The following SYT9 variants were observed in gnomAD, a reference collection of about 807,000 sequenced individuals.
SYT9 encodes the protein synaptotagmin-9.
A neutral mutation model predicts 48.4 loss-of-function variants in SYT9; 22 were observed. The ratio of observed to expected loss-of-function variants is 0.45; its 90% CI spans 0.32 to 0.65. The LOEUF (loss-of-function observed/expected upper bound fraction) is 0.65. Among genes scored for constraint, SYT9 ranks in the 30% least tolerant of loss-of-function variants. The probability of loss-of-function intolerance (pLI) is 0.03; values close to 1 mark genes in which losing one functional copy is unlikely to be tolerated. For missense variants in SYT9, 577 were observed against 622.0 expected, an observed-to-expected ratio of 0.93 and a Z score of 0.77; for synonymous variants, 265 against 245.0, an observed-to-expected ratio of 1.08 and a Z score of -0.76.
In SYT9 at chr11:7,349,200, G is replaced by A. The variant is rs558824330; in HGVS notation, c.1044+35259G>A. On this transcript the variant is annotated intron_variant, in intron 3 of 6. Transcript: ENST00000318881. ...CACGAGCATTGCCGGGGACTGGGGGGAGGGGAAATTGTTTAATGGATACAG... is the reference window on the plus strand; with the variant it reads ...CACGAGCATTGCCGGGGACTGGGGGAAGGGGAAATTGTTTAATGGATACAG... Among the ~76,000 whole-genome samples the A allele has an allele frequency of 5.9e-5, 9 of 152,194 alleles. No individual in the cohort carries two copies. In the South Asian group the frequency reaches 8.3e-4, roughly 14 times the overall value.
chr11:7,337,950 T>C (rs1849655841), intron 3 of SYT9, among the ~76,000 whole-genome samples: 1 of 152,186 alleles, frequency 6.6e-6, no homozygotes, highest in South Asian at 2.1e-4. Context: ...CAGCTCTTCT[T>C]TGTACATCTG....
chr11:7,420,431 A>G (rs367899127), intron 5 of SYT9, 75 bp from the exon 6 acceptor site: 14 of 1,545,466 alleles, frequency 9.1e-6, no homozygotes, highest in South Asian at 8.3e-5. Flanking sequence ...CAATTCCTTC[A>G]TCAGTTTAAT....
intron 6 of SYT9, among the ~76,000 whole-genome samples, chr11:7,428,270 G>A (rs76949069): frequency 0.097 from 14,768 of 152,240 alleles, 836 homozygotes; most frequent in East Asian, 0.17. Flanking sequence ...CATTACAGAT[G>A]ACCTTGCTCC....
At chr11:7,407,247 C>T (rs925691493) in intron 3 of SYT9, among the ~76,000 whole-genome samples, 1 of 151,474 alleles carries the variant, frequency 6.6e-6, no homozygotes, top group African/African-American at 2.4e-5. Context: ...GTTTTATTGT[C>T]TGCTCTTCAG....
At chr11:7,248,768 T>C (rs370464762), upstream of SYT9, among the ~76,000 whole-genome samples, 5 of 152,148 alleles carry the variant, frequency 3.3e-5, no homozygotes, top group East Asian at 9.6e-4. Flanking sequence ...AAAAGCAATC[T>C]ACAAATTCAA....
chr11:7,446,190 C>T (rs1847925943), intron 6 of SYT9, among the ~76,000 whole-genome samples: 1 of 152,242 alleles, frequency 6.6e-6, no homozygotes, highest in Non-Finnish European at 1.5e-5. Flanking sequence ...CTCCCAACTG[C>T]TGAAATCATG....
chr11:7,257,718 T>C (rs1179179387), intron 1 of SYT9, among the ~76,000 whole-genome samples: 1 of 152,142 alleles, frequency 6.6e-6, no homozygotes, highest in Non-Finnish European at 1.5e-5. Context: ...AAAAAGAGTC[T>C]TCTAAGGAAT....
chr11:7,396,081 T>G (rs537982748), intron 3 of SYT9, among the ~76,000 whole-genome samples: 1 of 152,232 alleles, frequency 6.6e-6, no homozygotes, highest in South Asian at 2.1e-4. Context: ...TTTAGTCCCT[T>G]TATTAGTATT....
chr11:7,447,694 T>C (rs771262248), intron 6 of SYT9, among the ~76,000 whole-genome samples: 3 of 151,818 alleles, frequency 2.0e-5, no homozygotes, highest in Non-Finnish European at 4.4e-5. Flanking sequence ...AGATAACCTT[T>C]TCTCTGTATA....
intron 3 of SYT9, among the ~76,000 whole-genome samples, chr11:7,354,171 A>G (rs886857112): frequency 6.6e-5 from 10 of 152,172 alleles, no homozygotes; most frequent in Non-Finnish European, 1.3e-4. Context: ...TCAGAGCACC[A>G]CATTGCACAC....
At chr11:7,409,488 T>C (rs12098890) in intron 3 of SYT9, among the ~76,000 whole-genome samples, 2,222 of 152,256 alleles carry the variant, frequency 0.015, 50 homozygotes, top group African/African-American at 0.049. Flanking sequence ...CAGCTGTTCA[T>C]CCATCCAGTA....
chr11:7,433,415 T>A (rs1188849404), intron 6 of SYT9, among the ~76,000 whole-genome samples: 3 of 152,352 alleles, frequency 2.0e-5, no homozygotes, highest in Non-Finnish European at 4.4e-5. Flanking sequence ...ACATTCTGAA[T>A]TTTTCTTCCT....
chr11:7,260,711 G>A (rs951954804), intron 1 of SYT9, among the ~76,000 whole-genome samples: 4 of 152,136 alleles, frequency 2.6e-5, no homozygotes, highest in African/African-American at 9.7e-5. Flanking sequence ...CCAAGGTAAG[G>A]TCCTAACAGA....
At chr11:7,443,521 C>T (rs4076556) in intron 6 of SYT9, among the ~76,000 whole-genome samples, 1 of 152,036 alleles carries the variant, frequency 6.6e-6, no homozygotes, top group Non-Finnish European at 1.5e-5. Flanking sequence ...AGAGGCTGCG[C>T]AGCAGACAAG....
chr11:7,243,685 T>C (rs961545663), intron 1 of SYT9, among the ~76,000 whole-genome samples: 2 of 152,164 alleles, frequency 1.3e-5, no homozygotes, highest in African/African-American at 4.8e-5. Flanking sequence ...TGCTCCAGAT[T>C]CATTTTCATC....
At chr11:7,378,517 A>G (rs1190793896) in intron 3 of SYT9, among the ~76,000 whole-genome samples, 1 of 152,154 alleles carries the variant, frequency 6.6e-6, no homozygotes, top group Non-Finnish European at 1.5e-5. Context: ...TGACCCAAGT[A>G]CTAAGCTCTA....
chr11:7,272,035 TAAAC>T (rs1848307061), intron 1 of SYT9, among the ~76,000 whole-genome samples: 1 of 152,212 alleles, frequency 6.6e-6, no homozygotes, highest in Admixed American at 6.5e-5. Context: ...ACTTCCTAAA[TAAAC>T]AAGAGCAGCA....
intron 1 of SYT9, among the ~76,000 whole-genome samples, chr11:7,286,839 C>T (rs1350344835): frequency 6.6e-6 from 1 of 152,160 alleles, no homozygotes; most frequent in African/African-American, 2.4e-5. Context: ...ACCACCTCAG[C>T]CTGGACTTCA....
chr11:7,291,309 A>C (rs541112213), intron 1 of SYT9, among the ~76,000 whole-genome samples: 6 of 152,318 alleles, frequency 3.9e-5, no homozygotes, highest in African/African-American at 1.4e-4. Context: ...TTAAAATGCA[A>C]ATGTTAGGAC....
Sources: gnomAD v4.1 joint callset for allele counts (sites outside exome capture counted in the v4.1 genomes callset) on GRCh38, gnomAD v4.1.1 for gene constraint, MANE v1.5 for transcripts, NCBI Gene and HGNC (gene_info 2026-07-23, HGNC 2026-07-21) for gene names.